Variants in RBFOX3 observed in about 807,000 individuals in gnomAD.
RBFOX3 encodes the protein RNA binding protein fox-1 homolog 3.
In RBFOX3, 17 loss-of-function variants were observed where a neutral mutation model predicts 48.7. That is an observed-to-expected ratio of 0.35 (90% CI 0.24 to 0.52). RBFOX3 has a LOEUF of 0.52. Among genes scored for constraint, RBFOX3 ranks in the 20% least tolerant of loss-of-function variants. The probability of loss-of-function intolerance (pLI) is 0.94; values close to 1 mark genes in which losing one functional copy is unlikely to be tolerated. For synonymous variants in RBFOX3, 212 were observed against 209.5 expected, an observed-to-expected ratio of 1.01 and a Z score of -0.10; for missense variants, 382 against 497.5, an observed-to-expected ratio of 0.77 and a Z score of 2.21.
chr17:79,095,035 G>A (rs2074900852), intron 13 of RBFOX3, among the ~76,000 whole-genome samples: 1 of 152,030 alleles, frequency 6.6e-6, no homozygotes, highest in South Asian at 2.1e-4. Context: ...GCAGAGCTGG[G>A]CCACGGCACC....
chr17:79,624,298 C>G, the RBFOX3 span, among the ~76,000 whole-genome samples: 1 of 152,020 alleles, frequency 6.6e-6, no homozygotes, highest in East Asian at 1.9e-4. Context: ...CTGCCATGGA[C>G]ACACCTGCCT....
chr17:79,493,344 A>G (rs1206541361), intron 1 of RBFOX3, among the ~76,000 whole-genome samples: 2 of 152,134 alleles, frequency 1.3e-5, no homozygotes, highest in Non-Finnish European at 2.9e-5. Flanking sequence ...CGAGAGTTGG[A>G]GGGGGACACA....
chr17:79,193,253 G>A (rs2054886794), intron 4 of RBFOX3, among the ~76,000 whole-genome samples: 3 of 152,110 alleles, frequency 2.0e-5, no homozygotes, highest in South Asian at 2.1e-4. Context: ...CTCGGAAGCC[G>A]GGCTTGTAAA....
At chr17:79,656,592 T>A in the RBFOX3 span, among the ~76,000 whole-genome samples, 5 of 139,152 alleles carry the variant, frequency 3.6e-5, no homozygotes, top group African/African-American at 1.2e-4. Context: ...TCAGCCTGGG[T>A]GACAGAGTGA....
intron 2 of RBFOX3, among the ~76,000 whole-genome samples, chr17:79,415,051 C>T (rs2065096375): frequency 6.6e-6 from 1 of 152,214 alleles, no homozygotes; most frequent in Non-Finnish European, 1.5e-5. Context: ...CGGACAAAGA[C>T]TCACACCAAT....
In RBFOX3 at chr17:79,363,768, C is replaced by A. The variant is rs970444436; in HGVS notation, c.-174-55944G>T. On this transcript the variant is annotated intron_variant, in intron 2 of 14. Coordinates refer to ENST00000693108, the MANE Select transcript of RBFOX3 (RefSeq NM_001350451.2). This position sits in a 1 kb window ranked among gnomAD's most constrained non-coding sequence, Gnocchi z 4.7. ...CCTCCATGCTCAGCCCGTCCGCCCC[C>A]CAGCAGCCTGGGTCTGACTGAGGAA... 1.3e-5 allele frequency among the ~76,000 whole-genome samples: 2 copies of A among 152,134 alleles called. No homozygotes were observed. Among genetic ancestry groups the A allele is most frequent in the African/African-American group, 4.8e-5 (2 of 41,428 alleles).
intron 1 of RBFOX3, among the ~76,000 whole-genome samples, chr17:79,485,715 G>C (rs1211465716): frequency 1.3e-5 from 2 of 152,150 alleles, no homozygotes; most frequent in Non-Finnish European, 2.9e-5. Context: ...ATGGAGACAC[G>C]AGCGATCCAC....
At chr17:79,271,614 C>T (rs1184737502) in intron 3 of RBFOX3, among the ~76,000 whole-genome samples, 2 of 152,224 alleles carry the variant, frequency 1.3e-5, no homozygotes, top group East Asian at 1.9e-4. Flanking sequence ...CCAAGTCTTT[C>T]TTCTGACTTT....
chr17:79,638,180 G>A, the RBFOX3 span, among the ~76,000 whole-genome samples: 3 of 151,608 alleles, frequency 2.0e-5, no homozygotes, highest in Admixed American at 2.0e-4. Flanking sequence ...TATATCTCAA[G>A]GAAGTAGAAA....
intron 4 of RBFOX3, among the ~76,000 whole-genome samples, chr17:79,210,350 C>T (rs544847111): frequency 5.9e-5 from 9 of 152,306 alleles, no homozygotes; most frequent in South Asian, 2.1e-4. Flanking sequence ...CATCTCCATG[C>T]GGTTATAGTT....
intron 1 of RBFOX3, among the ~76,000 whole-genome samples, chr17:79,530,903 C>A (rs1443861573): frequency 1.3e-5 from 2 of 152,228 alleles, no homozygotes; most frequent in African/African-American, 4.8e-5. Flanking sequence ...ATATTCCAGG[C>A]CTGGCGGGTT....
upstream of RBFOX3, among the ~76,000 whole-genome samples, chr17:79,613,742 G>C (rs2093983572): frequency 1.3e-5 from 2 of 152,166 alleles, no homozygotes; most frequent in Admixed American, 1.3e-4. Flanking sequence ...GGGAGGCTGA[G>C]GTGGGTGGAT....
At chr17:79,129,430 AC>A (rs2038214281) in intron 4 of RBFOX3, among the ~76,000 whole-genome samples, 2 of 104,200 alleles carry the variant, frequency 1.9e-5, no homozygotes, top group South Asian at 5.4e-4. Context: ...TGCCCTAGAG[AC>A]CCAGGGGAGG....
chr17:79,248,075 G>A (rs2063418099), intron 3 of RBFOX3, among the ~76,000 whole-genome samples: 1 of 152,228 alleles, frequency 6.6e-6, no homozygotes, highest in Non-Finnish European at 1.5e-5. Context: ...CCGGTGGGGA[G>A]ACCCTGGGCT....
At position 79,207,133 on chromosome 17, in the gene RBFOX3, C is replaced by T. The variant is rs117330517; in HGVS notation, c.-34+28633G>A. Among the ~76,000 whole-genome samples the T allele has an allele frequency of 5.0e-3, 762 of 152,352 alleles. 3 individuals carry two copies. The highest frequency in any genetic ancestry group is 0.02 in the Middle Eastern group (6 of 294). ...CAGTAGAAGAGTTTCCAAATGCTTA[C>T]TGGGTTAAAAGTGCCTCTGCCTAAT... On this transcript the variant is annotated intron_variant, in intron 4 of 14. Coordinates refer to ENST00000693108, the MANE Select transcript of RBFOX3 (RefSeq NM_001350451.2).
chr17:79,343,312 G>A (rs546329666), intron 2 of RBFOX3, among the ~76,000 whole-genome samples: 10 of 152,192 alleles, frequency 6.6e-5, no homozygotes, highest in African/African-American at 2.4e-4. Flanking sequence ...GATCACCTGA[G>A]GTCAGGAGTT....
At chr17:79,580,272 T>TCC (rs1190997158) in intron 1 of RBFOX3, among the ~76,000 whole-genome samples, 1 of 45,392 alleles carries the variant, frequency 2.2e-5, no homozygotes, top group South Asian at 9.5e-4. Flanking sequence ...GTCCTCCTCC[T>TCC]CCCCCCCCAT....
intron 1 of RBFOX3, among the ~76,000 whole-genome samples, chr17:79,523,151 G>T (rs1256676573): frequency 2.9e-4 from 44 of 152,058 alleles, no homozygotes; most frequent in African/African-American, 1.1e-3. Flanking sequence ...GGTGGTTTGG[G>T]AGAATGTGGA....
chr17:79,547,126 C>T (rs1393872505), intron 1 of RBFOX3, among the ~76,000 whole-genome samples: 2 of 152,172 alleles, frequency 1.3e-5, no homozygotes, highest in Admixed American at 1.3e-4. Context: ...TGAGTCTGCC[C>T]TGGGGTTCAG....
Sources: allele counts gnomAD v4.1 joint callset (sites outside exome capture counted in the v4.1 genomes callset), GRCh38; gene constraint gnomAD v4.1.1; non-coding constraint Gnocchi (gnomAD v3.1); transcripts MANE v1.5; gene names NCBI Gene and HGNC (gene_info 2026-07-23, HGNC 2026-07-21).